CNTNAP5: variants seen among roughly 807,000 people sequenced by gnomAD.
CNTNAP5 encodes the protein contactin-associated protein-like 5.
CNTNAP5 carries 72 observed loss-of-function variants against 150.2 expected under a neutral mutation model. The ratio of observed to expected loss-of-function variants is 0.48; its 90% CI spans 0.40 to 0.58. The LOEUF is 0.58. Among genes scored for constraint, CNTNAP5 ranks in the 20% least tolerant of loss-of-function variants. The pLI, the probability that CNTNAP5 is intolerant of heterozygous loss-of-function variation, is 0.00. For missense variants in CNTNAP5, 1,636 were observed against 1,626.2 expected, an observed-to-expected ratio of 1.01 and a Z score of -0.10; for synonymous variants, 672 against 619.8, an observed-to-expected ratio of 1.08 and a Z score of -1.25.
chr2:124,898,538 C>G (rs1187353714), intron 21 of CNTNAP5, among the ~76,000 whole-genome samples: 1 of 151,512 alleles, frequency 6.6e-6, no homozygotes, highest in Admixed American at 6.6e-5. Context: ...AATAGAGGAG[C>G]ATAGCTTTAC....
At chr2:124,355,484 G>T (rs945926624) in intron 3 of CNTNAP5, among the ~76,000 whole-genome samples, 1 of 152,116 alleles carries the variant, frequency 6.6e-6, no homozygotes, top group African/African-American at 2.4e-5. Flanking sequence ...CAAGCAGCAG[G>T]CACCCTACCC....
chr2:124,540,695 CA>C (rs1365248444), intron 10 of CNTNAP5, among the ~76,000 whole-genome samples: 1 of 151,922 alleles, frequency 6.6e-6, no homozygotes, highest in East Asian at 1.9e-4. Flanking sequence ...TTCATTCATT[CA>C]TTCATTCTTT....
intron 1 of CNTNAP5, among the ~76,000 whole-genome samples, chr2:124,193,714 C>T (rs904173626): frequency 1.3e-5 from 2 of 152,132 alleles, no homozygotes; most frequent in Non-Finnish European, 2.9e-5. Flanking sequence ...TATTTCTTTT[C>T]TTTATTCTAC....
At chr2:124,450,911 G>T (rs1171415773) in intron 6 of CNTNAP5, among the ~76,000 whole-genome samples, 7 of 149,552 alleles carry the variant, frequency 4.7e-5, no homozygotes, top group African/African-American at 1.7e-4. Context: ...TTTTTCTGTA[G>T]TCCCAGCTAC....
chr2:124,721,954 C>T (rs1316266887), intron 13 of CNTNAP5, among the ~76,000 whole-genome samples: 2 of 152,066 alleles, frequency 1.3e-5, no homozygotes, highest in Non-Finnish European at 2.9e-5. Context: ...TGAGCCCTCA[C>T]ACAGCCTTTC....
intron 1 of CNTNAP5, among the ~76,000 whole-genome samples, chr2:124,131,768 C>G (rs1326232331): frequency 6.6e-6 from 1 of 152,136 alleles, no homozygotes; most frequent in Non-Finnish European, 1.5e-5. Flanking sequence ...ATGTTATAAG[C>G]ATTCTTCTAT....
chr2:124,154,965 A>T (rs1006891795), intron 1 of CNTNAP5, among the ~76,000 whole-genome samples: 16 of 152,124 alleles, frequency 1.1e-4, no homozygotes, highest in Admixed American at 2.0e-4. Context: ...TTCTTGTTCA[A>T]CTAACACATG....
rs146591542 is a variant in CNTNAP5, at chr2:124,397,662, T to C, written c.382-19781T>C. ...ATGTATGAGTGTTTAATATATATGA[T>C]TCTTTTCCCACGGTATTGTTATCTC... is the stretch of plus-strand genomic sequence containing the variant. On this transcript the variant is annotated intron_variant, in intron 3 of 23. Coordinates refer to ENST00000682447, the MANE Select transcript of CNTNAP5 (RefSeq NM_001367498.1). 2.4e-3 allele frequency among the ~76,000 whole-genome samples: 373 copies of C among 152,354 alleles called. 2 individuals carry two copies. Among genetic ancestry groups the C allele is most frequent in the African/African-American group, 8.6e-3 (357 of 41,586 alleles).
chr2:124,893,437 G>C (rs937786647), intron 21 of CNTNAP5, among the ~76,000 whole-genome samples: 1 of 152,090 alleles, frequency 6.6e-6, no homozygotes, highest in Admixed American at 6.6e-5. Context: ...TAAGAACTAT[G>C]GTAGTTCCAT....
At chr2:124,633,201 A>T (rs937804456) in intron 12 of CNTNAP5, among the ~76,000 whole-genome samples, 1 of 152,186 alleles carries the variant, frequency 6.6e-6, no homozygotes, top group African/African-American at 2.4e-5. Context: ...AACTCATGTT[A>T]ACATTAACTC....
chr2:124,520,269 A>G (rs1183055988), intron 8 of CNTNAP5, among the ~76,000 whole-genome samples: 4 of 152,216 alleles, frequency 2.6e-5, no homozygotes, highest in Admixed American at 6.5e-5. Flanking sequence ...TACTATGGGA[A>G]ATATGGGTAG....
intron 4 of CNTNAP5, among the ~76,000 whole-genome samples, chr2:124,429,692 T>C (rs1279977067): frequency 1.3e-5 from 2 of 152,166 alleles, no homozygotes; most frequent in African/African-American, 4.8e-5. Context: ...AGTTCTGTGC[T>C]TACTAAAGGC....
chr2:124,249,243 T>C (rs1284752717), intron 3 of CNTNAP5, among the ~76,000 whole-genome samples: 2 of 152,174 alleles, frequency 1.3e-5, no homozygotes, highest in Non-Finnish European at 2.9e-5. Context: ...CCCCAAAATA[T>C]ATTTCCTTGC....
chr2:124,872,459 A>T (rs1677771904), intron 21 of CNTNAP5, among the ~76,000 whole-genome samples: 1 of 150,242 alleles, frequency 6.7e-6, no homozygotes, highest in Non-Finnish European at 1.5e-5. Flanking sequence ...TTAATTTGTG[A>T]CAACTCTAAG....
At chr2:124,386,182 C>T (rs1460369187) in intron 3 of CNTNAP5, among the ~76,000 whole-genome samples, 1 of 152,156 alleles carries the variant, frequency 6.6e-6, no homozygotes, top group Non-Finnish European at 1.5e-5. Flanking sequence ...ATGATAGCTG[C>T]GCAGAATCAC....
intron 3 of CNTNAP5, among the ~76,000 whole-genome samples, chr2:124,415,433 C>A (rs1272556810): frequency 6.6e-6 from 1 of 152,106 alleles, no homozygotes; most frequent in Non-Finnish European, 1.5e-5. Flanking sequence ...GTAGAAATGT[C>A]AAAGATTATG....
At chr2:124,900,334 C>A (rs1486890437) in intron 21 of CNTNAP5, among the ~76,000 whole-genome samples, 2 of 151,378 alleles carry the variant, frequency 1.3e-5, no homozygotes, top group Admixed American at 6.6e-5. Context: ...CATTTAGAAC[C>A]TTTCTAACTT....
chr2:124,625,828 C>T (rs72974509), intron 12 of CNTNAP5, among the ~76,000 whole-genome samples: 1,823 of 152,268 alleles, frequency 0.012, 29 homozygotes, highest in African/African-American at 0.041. Flanking sequence ...CACACTGTAA[C>T]AAGAAAATAA....
rs1011925615 is a variant in CNTNAP5, at chr2:124,916,925, T to C, written c.*2637T>C. Among the ~76,000 whole-genome samples, 1 of 152,060 alleles carries C rather than the reference T, an allele frequency of 6.6e-6. No homozygotes were observed. Among genetic ancestry groups the C allele is most frequent in the Non-Finnish European group, 1.5e-5 (1 of 67,980 alleles). ...TAACTTTCACTAGATATATATGAAATGCAAGTGATCCGTACCCTCCAAAGT... is the reference window on the plus strand; with the variant it reads ...TAACTTTCACTAGATATATATGAAACGCAAGTGATCCGTACCCTCCAAAGT... On this transcript the variant is annotated 3_prime_UTR_variant, in exon 24 of 24. Transcript: ENST00000682447.
Sources: gnomAD v4.1 joint callset for allele counts (sites outside exome capture counted in the v4.1 genomes callset) on GRCh38, gnomAD v4.1.1 for gene constraint, MANE v1.5 for transcripts, NCBI Gene and HGNC (gene_info 2026-07-23, HGNC 2026-07-21) for gene names.